The following FUT8 variants were observed in gnomAD, a reference collection of about 807,000 sequenced individuals.
The protein encoded by FUT8 is fucosyltransferase 8, also known as alpha-(1,6)-fucosyltransferase.
FUT8 carries 29 observed loss-of-function variants against 71.3 expected under a neutral mutation model. That is an observed-to-expected ratio of 0.41 (90% CI 0.30 to 0.55). The LOEUF (loss-of-function observed/expected upper bound fraction) is 0.55, where lower values mean the gene tolerates loss of function less well. Ranked by LOEUF, FUT8 falls within the 20% of genes least tolerant of loss-of-function variation. FUT8 has a pLI of 0.34. For missense variants in FUT8, 544 were observed against 702.1 expected (o/e 0.77, Z 2.55); for synonymous variants, 254 against 239.3 (o/e 1.06, Z -0.57).
chr14:65,600,640 G>A (rs894495372), intron 3 of FUT8, among the ~76,000 whole-genome samples: 3 of 152,140 alleles, frequency 2.0e-5, no homozygotes, highest in African/African-American at 7.2e-5. Flanking sequence ...GATATTTGTA[G>A]TAACATGGGT....
At chr14:65,363,265 G>A in the FUT8 span, among the ~76,000 whole-genome samples, 1 of 151,286 alleles carries the variant, frequency 6.6e-6, no homozygotes, top group Non-Finnish European at 1.5e-5. Context: ...GGGATTACAG[G>A]TGCCCGCCAC....
At chr14:65,374,752 G>A in the FUT8 span, among the ~76,000 whole-genome samples, 78 of 141,210 alleles carry the variant, frequency 5.5e-4, no homozygotes, top group Non-Finnish European at 9.8e-4. Context: ...GTGCCACCAC[G>A]CCTGGCTAAT....
At position 65,733,334 on chromosome 14, in the gene FUT8, C is replaced by A; in HGVS notation, c.1363C>A (p.His455Asn). The A allele has an allele frequency of 6.2e-7, 1 of 1,608,634 alleles. No individual in the cohort carries two copies. The highest frequency in any genetic ancestry group is 8.5e-7 in the Non-Finnish European group (1 of 1,177,086). Residue 455 changes from histidine to asparagine, a missense_variant, in exon 10 of 11, where the codon CAT becomes AAT. His to Asn is a moderately conservative substitution (Grantham distance 68). Coordinates refer to ENST00000673929, the MANE Select transcript of FUT8 (RefSeq NM_001371533.1). ...ACTTCGTGGAGTGATCCTGGATATA[C>A]ATTTTCTCTCTCAGGCAGACTTCCT... Reference protein sequence around the residue: ...NSLRGVILDIHFLSQADFLVC... With the variant: ...NSLRGVILDINFLSQADFLVC...
chr14:65,740,906 T>C (rs1458493877), intron 10 of FUT8, among the ~76,000 whole-genome samples: 1 of 151,984 alleles, frequency 6.6e-6, no homozygotes, highest in Non-Finnish European at 1.5e-5. Flanking sequence ...AATGCCAAGG[T>C]TTTAAAAGAC....
intron 9 of FUT8, among the ~76,000 whole-genome samples, chr14:65,724,652 A>G (rs1307869868): frequency 6.6e-6 from 1 of 152,240 alleles, no homozygotes; most frequent in Admixed American, 6.5e-5. Flanking sequence ...CCATAACAAA[A>G]TAACATAGAC....
intron 7 of FUT8, among the ~76,000 whole-genome samples, chr14:65,691,777 C>G (rs1298058718): frequency 6.6e-6 from 1 of 151,694 alleles, no homozygotes; most frequent in Non-Finnish European, 1.5e-5. Context: ...TCCCTGGGTA[C>G]TTGAGATTAG....
the FUT8 span, among the ~76,000 whole-genome samples, chr14:65,383,223 G>A: frequency 2.1e-5 from 3 of 145,458 alleles, no homozygotes; most frequent in Admixed American, 1.4e-4. Context: ...CTGTTGATAC[G>A]TACTCAATAA....
intron 1 of FUT8, among the ~76,000 whole-genome samples, chr14:65,452,969 C>T (rs1019420932): frequency 6.6e-6 from 1 of 152,100 alleles, no homozygotes; most frequent in Non-Finnish European, 1.5e-5. Flanking sequence ...TCTATCAACC[C>T]TGTCATTTCT....
intron 2 of FUT8, among the ~76,000 whole-genome samples, chr14:65,545,665 G>A (rs1483274351): frequency 6.6e-6 from 1 of 151,666 alleles, no homozygotes; most frequent in Non-Finnish European, 1.5e-5. Context: ...AAAGTAAATT[G>A]ATAACTCTTA....
At chr14:65,549,130 A>T (rs10145993) in intron 2 of FUT8, among the ~76,000 whole-genome samples, 10,328 of 152,208 alleles carry the variant, frequency 0.068, 630 homozygotes, top group South Asian at 0.19. Context: ...ATTGCTTCTG[A>T]CAACTCAGAA....
intron 2 of FUT8, among the ~76,000 whole-genome samples, chr14:65,536,863 C>G (rs566539948): frequency 6.6e-6 from 1 of 152,182 alleles, no homozygotes; most frequent in South Asian, 2.1e-4. Context: ...CTTCCAGTCT[C>G]CCCATTTCTT....
intron 7 of FUT8, among the ~76,000 whole-genome samples, chr14:65,678,400 C>A (rs900976004): frequency 3.1e-4 from 47 of 152,116 alleles, no homozygotes; most frequent in Admixed American, 3.1e-3. Context: ...GACTAAACAT[C>A]AAAAATATGC....
At chr14:65,706,761 G>C (rs1051029017) in intron 7 of FUT8, among the ~76,000 whole-genome samples, 7 of 152,046 alleles carry the variant, frequency 4.6e-5, no homozygotes, top group Non-Finnish European at 8.8e-5. Context: ...ACCTCACAGA[G>C]ACCTCCTAAT....
intron 7 of FUT8, among the ~76,000 whole-genome samples, chr14:65,696,562 T>C (rs1217497002): frequency 6.6e-6 from 1 of 152,204 alleles, no homozygotes; most frequent in African/African-American, 2.4e-5. Flanking sequence ...GTTTGTTTGT[T>C]TTTTGTATGG....
chr14:65,479,405 A>G (rs1417418100), intron 2 of FUT8, among the ~76,000 whole-genome samples: 1 of 152,068 alleles, frequency 6.6e-6, no homozygotes, highest in African/African-American at 2.4e-5. Flanking sequence ...CTTTCTTCAC[A>G]TTTTCTCTAA....
At chr14:65,434,576 T>C (rs187067817) in intron 1 of FUT8, among the ~76,000 whole-genome samples, 18 of 152,234 alleles carry the variant, frequency 1.2e-4, no homozygotes, top group Non-Finnish European at 1.8e-4. Flanking sequence ...GAAAAGGCAA[T>C]AGTAGACACA....
At chr14:65,364,897 T>A in the FUT8 span, among the ~76,000 whole-genome samples, 2 of 152,180 alleles carry the variant, frequency 1.3e-5, no homozygotes, top group Non-Finnish European at 2.9e-5. Context: ...GGATTGCACA[T>A]GTGTCTTCTC....
chr14:65,468,441 T>G (rs183380947), intron 2 of FUT8: 2 of 366,692 alleles, frequency 5.5e-6, no homozygotes, highest in African/African-American at 4.2e-5. Flanking sequence ...TCTTTTTGCT[T>G]GCATGGTTTC....
At chr14:65,528,667 G>C (rs1594741612) in intron 2 of FUT8, among the ~76,000 whole-genome samples, 1 of 152,142 alleles carries the variant, frequency 6.6e-6, no homozygotes, top group Admixed American at 6.5e-5. Context: ...GACTGGAGCT[G>C]CTCCTATTTG....
Sources: allele counts gnomAD v4.1 joint callset (sites outside exome capture counted in the v4.1 genomes callset), GRCh38; gene constraint gnomAD v4.1.1; transcripts MANE v1.5; gene names NCBI Gene and HGNC (gene_info 2026-07-23, HGNC 2026-07-21).